Variants in HSPG2 observed in about 807,000 individuals in gnomAD.
The protein encoded by HSPG2 is heparan sulfate proteoglycan 2, also known as basement membrane-specific heparan sulfate proteoglycan core protein.
In HSPG2, 278 loss-of-function variants were observed where a neutral mutation model predicts 526.6. The observed-to-expected ratio is 0.53, with a 90% CI of 0.48 to 0.58. The LOEUF (loss-of-function observed/expected upper bound fraction) is 0.58. Ranked by LOEUF, HSPG2 falls within the 20% of genes least tolerant of loss-of-function variation. The probability of loss-of-function intolerance (pLI) is 0.00; values close to 1 mark genes in which losing one functional copy is unlikely to be tolerated. For missense variants in HSPG2, 5,354 were observed against 6,099.5 expected, an observed-to-expected ratio of 0.88 and a Z score of 4.07; for synonymous variants, 2,465 against 2,555.4, an observed-to-expected ratio of 0.96 and a Z score of 1.07.
At chr1:21,913,013 A>T (rs1341774716) in intron 1 of HSPG2, among the ~76,000 whole-genome samples, 12 of 150,962 alleles carry the variant, frequency 7.9e-5, no homozygotes, top group Admixed American at 7.9e-4. Flanking sequence ...ATGTATACAG[A>T]GTGTTAAGAA....
At position 21,880,852 on chromosome 1, in the gene HSPG2, G is replaced by A. The variant is rs1170580698; in HGVS notation, c.1819-17C>T. 6.3e-7 allele frequency: 1 copy of A among 1,580,286 alleles called. No homozygotes were observed. Among genetic ancestry groups the A allele is most frequent in the Non-Finnish European group, 8.6e-7 (1 of 1,164,100 alleles). ...GGAGTCCACCTGGCACAACAGGGTG[G>A]ATCAGCACGGGCAGCTGTGGGCACA... On this transcript the variant is annotated splice_polypyrimidine_tract_variant and intron_variant, in intron 14 of 96. Transcript: ENST00000374695.
chr1:21,897,446 C>T (rs1364792735), intron 1 of HSPG2, among the ~76,000 whole-genome samples: 1 of 152,190 alleles, frequency 6.6e-6, no homozygotes, highest in African/African-American at 2.4e-5. Flanking sequence ...CCAGCCAGGC[C>T]CCCTTCCCTC....
chr1:21,878,085 C>T (rs982255079), intron 21 of HSPG2, 101 bp downstream of exon 21: 15 of 1,115,668 alleles, frequency 1.3e-5, no homozygotes, highest in Non-Finnish European at 1.8e-5. Flanking sequence ...TTACCACCCA[C>T]TGGCCAAGGA....
At chr1:21,863,090 A>AAAAAAAAAAAAAAG in intron 37 of HSPG2, among the ~76,000 whole-genome samples, 1 of 111,978 alleles carries the variant, frequency 8.9e-6, no homozygotes, top group African/African-American at 3.2e-5. Context: ...AAAAAAAAAG[A>AAAAAAAAAAAAAAG]GGCTGGGTGT....
chr1:21,928,114 A>G (rs1220673433), intron 1 of HSPG2, among the ~76,000 whole-genome samples: 1 of 152,220 alleles, frequency 6.6e-6, no homozygotes. Context: ...AGGCTCAGAG[A>G]GGTAAAGCAA....
chr1:21,921,952 G>A (rs1324289490), intron 1 of HSPG2, among the ~76,000 whole-genome samples: 1 of 152,136 alleles, frequency 6.6e-6, no homozygotes, highest in African/African-American at 2.4e-5. Flanking sequence ...AGTGTTGGAG[G>A]AGAGGATGGA....
In HSPG2 at chr1:21,834,663, C is replaced by A. The variant is rs2098019079; in HGVS notation, c.10720+16G>T. 6.2e-7 allele frequency: 1 copy of A among 1,613,748 alleles called. No homozygotes were observed. The highest frequency in any genetic ancestry group is 1.1e-5 in the South Asian group (1 of 91,060). On this transcript the variant is annotated intron_variant, in intron 77 of 96. Transcript: ENST00000374695. ...CCACTCACTGTCCCCCAACAAAAGT[C>A]CCCACTGGCCTTCACCTTGCACAAG... is the stretch of plus-strand genomic sequence containing the variant.
chr1:21,929,809 A>T (rs1644302766), intron 1 of HSPG2, among the ~76,000 whole-genome samples: 1 of 151,710 alleles, frequency 6.6e-6, no homozygotes, highest in Non-Finnish European at 1.5e-5. Flanking sequence ...CATCCAACCC[A>T]CTAGCAAATC....
chr1:21,841,540 G>A lies in HSPG2; in HGVS notation c.9327C>T (p.His3109=), dbSNP rs61743674. 625 of 1,614,232 alleles carry A rather than the reference G, an allele frequency of 3.9e-4. 2 individuals are homozygous for A. The African/African-American group carries it at 6.5e-3, about 17-fold the overall frequency. The change falls in exon 70 of 97, where the codon CAC becomes CAT. Residue 3109 remains histidine (H), a splice_region_variant and synonymous_variant. Transcript: ENST00000374695. ...VAQSVVNLSV[H]GPPTVSVLPE... ...CCCACAGGGTCAACGTCCCCTCACC[G>A]TGCACACTGAGGTTCACCACACTCT...
chr1:21,876,687 A>G (rs753678769), intron 21 of HSPG2, 35 bp from the exon 22 acceptor site: 2 of 1,613,744 alleles, frequency 1.2e-6, no homozygotes, highest in South Asian at 2.2e-5. Flanking sequence ...AGGACAGCCC[A>G]TGGGAGAGGC....
chr1:21,911,485 C>T (rs1172718151), intron 1 of HSPG2, among the ~76,000 whole-genome samples: 3 of 56,226 alleles, frequency 5.3e-5, no homozygotes, highest in Non-Finnish European at 1.3e-4. Context: ...AGGGGGTGGG[C>T]GGGCTGGCTG....
chr1:21,869,779 C>T, intron 33 of HSPG2: 1 of 954,948 alleles, frequency 1.0e-6, no homozygotes, highest in Non-Finnish European at 1.2e-6. Flanking sequence ...ACTGTCTGCT[C>T]ACAAGTGCTG....
Position 21,890,209 on chromosome 1 carries a change from C to T in HSPG2, c.414-68G>A. ...CTGTGTTCTCAGCTCCTCCATGAGGCTCCCGCCCCGACGCTCAGGCCCTGT... is the reference window on the plus strand; with the variant it reads ...CTGTGTTCTCAGCTCCTCCATGAGGTTCCCGCCCCGACGCTCAGGCCCTGT... On this transcript the variant is annotated intron_variant, in intron 5 of 96. Coordinates refer to ENST00000374695, the MANE Select transcript of HSPG2 (RefSeq NM_005529.7). This position sits in a 1 kb window ranked among gnomAD's most constrained non-coding sequence, Gnocchi z 4.1. The T allele has an allele frequency of 6.3e-7, 1 of 1,582,716 alleles. No homozygotes were observed. Among genetic ancestry groups the T allele is most frequent in the African/African-American group, 1.3e-5 (1 of 74,478 alleles).
At chr1:21,899,433 A>T (rs1420357608) in intron 1 of HSPG2, among the ~76,000 whole-genome samples, 2 of 152,076 alleles carry the variant, frequency 1.3e-5, no homozygotes, top group African/African-American at 4.8e-5. Context: ...TGCACCAGGC[A>T]CTCCTAAACC....
At chr1:21,857,762 C>G (rs748559435) in intron 42 of HSPG2, among the ~76,000 whole-genome samples, 1 of 152,172 alleles carries the variant, frequency 6.6e-6, no homozygotes, top group Non-Finnish European at 1.5e-5. Flanking sequence ...CCAGCCTCTC[C>G]AACCACCCTT....
chr1:21,908,487 C>A, intron 1 of HSPG2: 1 of 875,390 alleles, frequency 1.1e-6, no homozygotes. Flanking sequence ...AACTAAAGCG[C>A]CAGCCTGCTC....
chr1:21,913,588 C>T (rs1050585719), intron 1 of HSPG2, among the ~76,000 whole-genome samples: 4 of 152,138 alleles, frequency 2.6e-5, no homozygotes, highest in Non-Finnish European at 4.4e-5. Flanking sequence ...GCTGCTGGGT[C>T]CCCCCAGCCA....
intron 1 of HSPG2, among the ~76,000 whole-genome samples, chr1:21,906,130 T>C (rs1643365794): frequency 1.3e-5 from 2 of 152,218 alleles, no homozygotes; most frequent in African/African-American, 4.8e-5. Context: ...CTAAGACCCC[T>C]GGCTCCACAC....
Position 21,838,804 on chromosome 1 carries a change from C to T in HSPG2, c.10150+21G>A, listed in dbSNP as rs151184700. ...CAGGAGGAAAGGTGATCCCCTTCCA[C>T]GCAGAGCCGGGGCTGCTTACCTTGG... On this transcript the variant is annotated intron_variant, in intron 74 of 96. Transcript: ENST00000374695. The T allele has an allele frequency of 1.9e-4, 307 of 1,609,726 alleles. No individual in the cohort carries two copies. The East Asian group carries it at 3.0e-3, about 16-fold the overall frequency.
Sources: allele counts gnomAD v4.1 joint callset (sites outside exome capture counted in the v4.1 genomes callset), GRCh38; gene constraint gnomAD v4.1.1; non-coding constraint Gnocchi (gnomAD v3.1); transcripts MANE v1.5; gene names NCBI Gene and HGNC (gene_info 2026-07-23, HGNC 2026-07-21).